The following SERINC5 variants were observed in gnomAD, a reference collection of about 807,000 sequenced individuals.
SERINC5 encodes the protein serine incorporator 5.
Under a neutral mutation model 63.1 loss-of-function variants are expected in SERINC5, and 41 were observed. That is an observed-to-expected ratio of 0.65 (90% CI 0.51 to 0.84). The LOEUF (loss-of-function observed/expected upper bound fraction) is 0.84, where lower values mean the gene tolerates loss of function less well. Among genes scored for constraint, SERINC5 ranks in the 40% least tolerant of loss-of-function variants. The pLI is 0.00. For missense variants in SERINC5, 523 were observed against 573.0 expected (o/e 0.91, Z 0.89); for synonymous variants, 222 against 215.2 (o/e 1.03, Z -0.28).
At chr5:80,120,544 C>T (rs764338190) in intron 11 of SERINC5, among the ~76,000 whole-genome samples, 7 of 152,190 alleles carry the variant, frequency 4.6e-5, no homozygotes, top group Admixed American at 2.0e-4. Flanking sequence ...CATGGCCAGG[C>T]GTGGGGGCTT....
intron 2 of SERINC5, among the ~76,000 whole-genome samples, chr5:80,198,072 T>G (rs988931340): frequency 1.3e-5 from 2 of 152,050 alleles, no homozygotes; most frequent in Non-Finnish European, 2.9e-5. Context: ...TCTCTTGACC[T>G]TGTGATCCGC....
intron 2 of SERINC5, among the ~76,000 whole-genome samples, chr5:80,188,395 T>G (rs1195568275): frequency 6.6e-6 from 1 of 151,356 alleles, no homozygotes; most frequent in Non-Finnish European, 1.5e-5. Flanking sequence ...TAAATTACAA[T>G]AAAAATACAA....
chr5:80,134,669 T>C (rs887933863), downstream of SERINC5, among the ~76,000 whole-genome samples: 3 of 152,228 alleles, frequency 2.0e-5, no homozygotes, highest in African/African-American at 4.8e-5. Flanking sequence ...TTATAATTTA[T>C]GCAAAGGTGG....
chr5:80,247,284 A>C (rs991991167), intron 1 of SERINC5, among the ~76,000 whole-genome samples: 1 of 152,210 alleles, frequency 6.6e-6, no homozygotes, highest in African/African-American at 2.4e-5. Flanking sequence ...AATACCTGGA[A>C]AACTGGAAAG....
chr5:80,172,190 C>T (rs969652730), intron 5 of SERINC5, among the ~76,000 whole-genome samples: 2 of 152,004 alleles, frequency 1.3e-5, no homozygotes, highest in African/African-American at 2.4e-5. Flanking sequence ...ATTATCCGGG[C>T]GTGGTGGTGC....
At chr5:80,216,705 A>G (rs944469440) in intron 1 of SERINC5, among the ~76,000 whole-genome samples, 5 of 147,390 alleles carry the variant, frequency 3.4e-5, no homozygotes, top group African/African-American at 9.8e-5. Context: ...TGGGTTTTAA[A>G]TATTTTTTTT....
intron 7 of SERINC5, among the ~76,000 whole-genome samples, chr5:80,162,917 G>A (rs1393887914): frequency 6.6e-6 from 1 of 151,464 alleles, no homozygotes; most frequent in East Asian, 1.9e-4. Context: ...TGCGATCTTG[G>A]CTAGTGAGCC....
At chr5:80,183,404 C>A (rs374019037) in intron 2 of SERINC5, among the ~76,000 whole-genome samples, 3 of 152,184 alleles carry the variant, frequency 2.0e-5, no homozygotes, top group East Asian at 3.9e-4. Flanking sequence ...ACAGTCTGGT[C>A]TGGAAATTGC....
chr5:80,174,131 C>G (rs1747858175), intron 5 of SERINC5, among the ~76,000 whole-genome samples: 1 of 151,858 alleles, frequency 6.6e-6, no homozygotes, highest in Non-Finnish European at 1.5e-5. Flanking sequence ...GAGGCCAAGG[C>G]AGAAGGATCT....
chr5:80,224,992 G>A (rs1364858976), intron 1 of SERINC5, among the ~76,000 whole-genome samples: 1 of 150,138 alleles, frequency 6.7e-6, no homozygotes, highest in African/African-American at 2.5e-5. Flanking sequence ...CCAGGCTGGA[G>A]TGCAATGGCG....
At chr5:80,249,868 G>A (rs576099686) in intron 1 of SERINC5, among the ~76,000 whole-genome samples, 1 of 152,098 alleles carries the variant, frequency 6.6e-6, no homozygotes, top group Non-Finnish European at 1.5e-5. Flanking sequence ...GCATCAAAAT[G>A]TGGTTCTCTC....
chr5:80,142,161 G>A lies in SERINC5; in HGVS notation c.*1502C>T, dbSNP rs1745546176. On this transcript the variant is annotated 3_prime_UTR_variant, in exon 12 of 12. Coordinates refer to ENST00000507668, the MANE Select transcript of SERINC5 (RefSeq NM_001174072.3). ...TTCCACCCCGAATGAAATTCTAACA[G>A]GAGTTTCCACCAAGTAAACCTTTTC... 1 of 985,398 alleles carries A rather than the reference G, an allele frequency of 1.0e-6. No individual in the cohort carries two copies. Among genetic ancestry groups the A allele is most frequent in the South Asian group, 4.7e-5 (1 of 21,284 alleles). 61.0% of individuals were successfully genotyped at this position (985,398 alleles called of 1,614,324 possible). A position where few individuals can be genotyped will look rare whatever the true frequency, so the allele number is the denominator to read the frequency against.
intron 1 of SERINC5, among the ~76,000 whole-genome samples, chr5:80,216,035 T>G (rs6864411): frequency 0.18 from 28,061 of 151,998 alleles, 3,174 homozygotes; most frequent in African/African-American, 0.32. Context: ...AAAAATATCA[T>G]ATCACACTTG....
chr5:80,139,175 GAA>G lies in SERINC5; in HGVS notation c.*4486_*4487del. On this transcript the variant is annotated 3_prime_UTR_variant, in exon 12 of 12. Transcript: ENST00000507668. Reference sequence around the variant, plus strand: ...AATTTGGCTACAGCTAATCGTTTCAGAAAAGTTTAAAAAATTAGCAAAGTTAT... The same window carrying G: ...AATTTGGCTACAGCTAATCGTTTCAGAAGTTTAAAAAATTAGCAAAGTTAT... 1.0e-6 allele frequency: 1 copy of G among 984,626 alleles called. No individual in the cohort carries two copies. Among genetic ancestry groups the G allele is most frequent in the Non-Finnish European group, 1.2e-6 (1 of 829,384 alleles). The allele number at this position is 984,626 out of a possible 1,614,324, so 61.0% of individuals were successfully genotyped here.
intron 1 of SERINC5, among the ~76,000 whole-genome samples, chr5:80,210,698 C>T (rs1270770295): frequency 2.0e-5 from 3 of 152,290 alleles, no homozygotes; most frequent in South Asian, 4.1e-4. Flanking sequence ...TTTCACAGTT[C>T]CAAAGGCCTG....
Position 80,204,205 on chromosome 5 carries a change from T to C in SERINC5, c.28-1152A>G, listed in dbSNP as rs10080078. Reference sequence around the variant, plus strand: ...AGTTCTGTGATCCATTCTAGCCCATTATTGAACCTAAAGAGGGGATGCTGG... The same window carrying C: ...AGTTCTGTGATCCATTCTAGCCCATCATTGAACCTAAAGAGGGGATGCTGG... On this transcript the variant is annotated intron_variant, in intron 1 of 11. Transcript: ENST00000507668. Among the ~76,000 whole-genome samples the C allele has an allele frequency of 4.5e-3, 680 of 152,246 alleles. 7 individuals are homozygous for C. The highest frequency in any genetic ancestry group is 0.016 in the African/African-American group (653 of 41,526).
intron 1 of SERINC5, among the ~76,000 whole-genome samples, chr5:80,247,643 G>A (rs143339074): frequency 5.2e-4 from 79 of 152,228 alleles, no homozygotes; most frequent in African/African-American, 1.8e-3. Context: ...AAGTGACAGA[G>A]GATTACCTGA....
rs1745348208 is a variant in SERINC5 at position 80,139,057 on chromosome 5, C to T, written c.*4606G>A. The T allele has an allele frequency of 2.0e-6, 2 of 983,486 alleles. No homozygotes were observed. Among genetic ancestry groups the T allele is most frequent in the Non-Finnish European group, 1.2e-6 (1 of 828,258 alleles). The allele number at this position is 983,486 out of a possible 1,614,324, so 60.9% of individuals were successfully genotyped here. ...ATAACTTTCAAAAGTTACCAAAATT[C>T]GAATCATATCAGAGACCATTATAAA... On this transcript the variant is annotated 3_prime_UTR_variant, in exon 12 of 12. Transcript: ENST00000507668.
intron 7 of SERINC5, among the ~76,000 whole-genome samples, chr5:80,160,366 G>A (rs57050931): frequency 0.074 from 11,309 of 152,134 alleles, 1,442 homozygotes; most frequent in African/African-American, 0.26. Context: ...TACCTAACAT[G>A]GAGTCTTCCA....
Sources: allele counts gnomAD v4.1 joint callset (sites outside exome capture counted in the v4.1 genomes callset), GRCh38; gene constraint gnomAD v4.1.1; transcripts MANE v1.5; gene names NCBI Gene and HGNC (gene_info 2026-07-23, HGNC 2026-07-21).